Variants in GRM8 observed in about 807,000 individuals in gnomAD.
GRM8 encodes glutamate metabotropic receptor 8, also known as metabotropic glutamate receptor 8.
GRM8 carries 47 observed loss-of-function variants against 87.2 expected under a neutral mutation model. The ratio of observed to expected loss-of-function variants is 0.54; its 90% CI spans 0.43 to 0.69. GRM8 has a LOEUF of 0.69. Ranked by LOEUF, GRM8 falls within the 30% of genes least tolerant of loss-of-function variation. The pLI, the probability that GRM8 is intolerant of heterozygous loss-of-function variation, is 0.00. For synonymous variants in GRM8, 396 were observed against 404.5 expected (o/e 0.98, Z 0.25); for missense variants, 1,019 against 1,139.2 (o/e 0.89, Z 1.52).
At chr7:127,069,900 C>T (rs1485495306) in intron 3 of GRM8, among the ~76,000 whole-genome samples, 2 of 152,116 alleles carry the variant, frequency 1.3e-5, no homozygotes, top group African/African-American at 4.8e-5. Context: ...AAATAGCAAA[C>T]GTAGAATGCT....
intron 3 of GRM8, among the ~76,000 whole-genome samples, chr7:127,054,846 T>G (rs1294248908): frequency 6.6e-6 from 1 of 151,918 alleles, no homozygotes; most frequent in Non-Finnish European, 1.5e-5. Flanking sequence ...CAAATCAAAA[T>G]TTAACAGAGA....
intron 10 of GRM8, among the ~76,000 whole-genome samples, chr7:126,442,668 G>A (rs1485592135): frequency 6.6e-6 from 1 of 152,016 alleles, no homozygotes; most frequent in Non-Finnish European, 1.5e-5. Flanking sequence ...TCAACAGATG[G>A]CAGTTTGGAT....
chr7:126,474,475 C>T (rs1295408537), intron 9 of GRM8, among the ~76,000 whole-genome samples: 1 of 152,082 alleles, frequency 6.6e-6, no homozygotes, highest in East Asian at 1.9e-4. Context: ...CACCATGTTG[C>T]CCAGGCTGGT....
intron 2 of GRM8, among the ~76,000 whole-genome samples, chr7:127,219,118 A>G (rs1796757116): frequency 6.6e-6 from 1 of 151,282 alleles, no homozygotes; most frequent in Non-Finnish European, 1.5e-5. Context: ...ACTGCTCTTT[A>G]TGGCCTGCTT....
intron 3 of GRM8, among the ~76,000 whole-genome samples, chr7:126,931,440 A>C (rs1805760042): frequency 6.6e-6 from 1 of 152,226 alleles, no homozygotes; most frequent in African/African-American, 2.4e-5. Flanking sequence ...ATAATAGGAC[A>C]TGTAGCTTGT....
intron 7 of GRM8, among the ~76,000 whole-genome samples, chr7:126,709,504 G>A (rs577705003): frequency 2.6e-5 from 4 of 152,202 alleles, no homozygotes; most frequent in African/African-American, 9.6e-5. Flanking sequence ...GAGGGAGGAG[G>A]AGGAGAAATA....
At chr7:127,008,987 C>A (rs1814605127) in intron 3 of GRM8, among the ~76,000 whole-genome samples, 1 of 152,092 alleles carries the variant, frequency 6.6e-6, no homozygotes. Context: ...TCATACACTT[C>A]ATTTGCATTC....
chr7:126,688,110 C>CATAAAATTCTCATATCCAGT (rs1209837130), intron 7 of GRM8, among the ~76,000 whole-genome samples: 1 of 152,126 alleles, frequency 6.6e-6, no homozygotes, highest in Non-Finnish European at 1.5e-5. Flanking sequence ...TCTGAATGCC[C>CATAAAATTCTCATATCCAGT]ATAAAATTCT....
At chr7:126,627,523 G>C (rs555370108) in intron 7 of GRM8, among the ~76,000 whole-genome samples, 1 of 152,172 alleles carries the variant, frequency 6.6e-6, no homozygotes, top group Non-Finnish European at 1.5e-5. Context: ...AACAGTTCTT[G>C]TAGCTTAAAT....
intron 8 of GRM8, among the ~76,000 whole-genome samples, chr7:126,535,271 G>A (rs538104859): frequency 6.6e-6 from 1 of 152,124 alleles, no homozygotes. Flanking sequence ...TCTCTTCTGA[G>A]GCCAGGTCAT....
chr7:126,746,746 G>C (rs959193307), intron 7 of GRM8, among the ~76,000 whole-genome samples: 2 of 151,118 alleles, frequency 1.3e-5, no homozygotes, highest in African/African-American at 2.4e-5. Context: ...TATTCTATTT[G>C]GTTTTAATTA....
At chr7:126,796,424 G>T (rs996155092) in intron 6 of GRM8, among the ~76,000 whole-genome samples, 1 of 152,040 alleles carries the variant, frequency 6.6e-6, no homozygotes, top group South Asian at 2.1e-4. Context: ...TTAAAATGTG[G>T]TGTTTACCAA....
At chr7:126,777,942 A>G (rs184405019) in intron 6 of GRM8, among the ~76,000 whole-genome samples, 2 of 152,302 alleles carry the variant, frequency 1.3e-5, no homozygotes, top group African/African-American at 2.4e-5. Context: ...AAAAATGACT[A>G]AAGTATTTTA....
At chr7:126,807,326 T>A (rs995499015) in intron 6 of GRM8, among the ~76,000 whole-genome samples, 15 of 152,138 alleles carry the variant, frequency 9.9e-5, no homozygotes, top group African/African-American at 3.1e-4. Flanking sequence ...AAAATGTTCA[T>A]TTGAGAGGTG....
intron 6 of GRM8, among the ~76,000 whole-genome samples, chr7:126,802,595 T>C (rs1188429904): frequency 6.6e-6 from 1 of 152,192 alleles, no homozygotes; most frequent in Non-Finnish European, 1.5e-5. Context: ...GGCATTTTGA[T>C]AAGTGGAATA....
chr7:127,145,161 T>C (rs1233805422), intron 2 of GRM8, among the ~76,000 whole-genome samples: 1 of 152,140 alleles, frequency 6.6e-6, no homozygotes, highest in Non-Finnish European at 1.5e-5. Context: ...ATTTCTCAAC[T>C]GTAAACAGCC....
chr7:126,887,397 G>T (rs1800598022), intron 6 of GRM8, among the ~76,000 whole-genome samples: 1 of 152,106 alleles, frequency 6.6e-6, no homozygotes, highest in African/African-American at 2.4e-5. Context: ...CAGGGCTGTG[G>T]TCCTTGAGAA....
chr7:126,505,543 C>T (rs1338045839), intron 9 of GRM8, among the ~76,000 whole-genome samples: 5 of 152,024 alleles, frequency 3.3e-5, no homozygotes, highest in African/African-American at 1.2e-4. Context: ...CTGCAAACTA[C>T]TTTTACCTGT....
chr7:127,164,138 C>T (rs1793293636), intron 2 of GRM8, among the ~76,000 whole-genome samples: 1 of 152,002 alleles, frequency 6.6e-6, no homozygotes, highest in Admixed American at 6.6e-5. Context: ...GGTATAGTAA[C>T]TCCCCCCTCA....
Sources: gnomAD v4.1 joint callset for allele counts (sites outside exome capture counted in the v4.1 genomes callset) on GRCh38, gnomAD v4.1.1 for gene constraint, MANE v1.5 for transcripts, NCBI Gene and HGNC (gene_info 2026-07-23, HGNC 2026-07-21) for gene names.